Variants in PRKAR2A observed in about 807,000 individuals in gnomAD.
The protein encoded by PRKAR2A is protein kinase cAMP-dependent type II regulatory subunit alpha, also known as cAMP-dependent protein kinase type II-alpha regulatory subunit.
Under a neutral mutation model 51.9 loss-of-function variants are expected in PRKAR2A, and 29 were observed. The ratio of observed to expected loss-of-function variants is 0.56; its 90% confidence interval spans 0.42 to 0.76. PRKAR2A has a LOEUF of 0.76. PRKAR2A is among the 30% of genes least tolerant of loss of function. The pLI, the probability that PRKAR2A is intolerant of heterozygous loss-of-function variation, is 0.00. For missense variants in PRKAR2A, 445 were observed against 512.1 expected (o/e 0.87, Z 1.26); for synonymous variants, 178 against 186.2 (o/e 0.96, Z 0.36).
At chr3:48,806,254 T>C (rs567565613) in intron 2 of PRKAR2A, among the ~76,000 whole-genome samples, 16 of 152,328 alleles carry the variant, frequency 1.1e-4, no homozygotes, top group African/African-American at 3.8e-4. Context: ...TTCCTAGCCC[T>C]ATAATAGGCC....
intron 9 of PRKAR2A, among the ~76,000 whole-genome samples, chr3:48,753,098 A>G (rs536573378): frequency 6.6e-6 from 1 of 151,126 alleles, no homozygotes; most frequent in East Asian, 2.0e-4. Context: ...ACGCCTGGCT[A>G]ATTTTTTTGT....
In PRKAR2A at chr3:48,847,812, C is replaced by T; in HGVS notation, c.-216G>A. ...ACCGCCGCCGCTGTCACTGGGCAGC[C>T]GCCGCCGCCGCGGGGACCGACGGGC... On this transcript the variant is annotated 5_prime_UTR_variant, in exon 1 of 11. Transcript: ENST00000265563. This position sits in a 1 kb window ranked among gnomAD's most constrained non-coding sequence, Gnocchi z 4.4. 1 of 382,376 alleles carries T rather than the reference C, an allele frequency of 2.6e-6. No homozygotes were observed. The highest frequency in any genetic ancestry group is 4.4e-6 in the Non-Finnish European group (1 of 227,048). The allele number at this position is 382,376 out of a possible 1,614,324, so 23.7% of individuals were successfully genotyped here.
chr3:48,752,593 A>G (rs1317849604), intron 9 of PRKAR2A, among the ~76,000 whole-genome samples: 1 of 152,202 alleles, frequency 6.6e-6, no homozygotes, highest in Non-Finnish European at 1.5e-5. Flanking sequence ...TCTTGTCTAA[A>G]TAAGGACAAT....
chr3:48,773,069 GGTTT>G lies in PRKAR2A; in HGVS notation c.578_581del (p.Gln193ProfsTer16). ...GGTTGTCATATTGACCAACAGAGCG[GGTTT>G]GATTATCTTTTGTTACTAAAATGTC... is the stretch of plus-strand genomic sequence containing the variant. On this transcript the variant is annotated frameshift_variant, in exon 6 of 11. Coordinates refer to ENST00000265563, the MANE Select transcript of PRKAR2A (RefSeq NM_004157.4). LOFTEE classifies it high-confidence loss of function. 1 of 1,611,048 alleles carries G rather than the reference GGTTT, an allele frequency of 6.2e-7. No homozygotes were observed. Among genetic ancestry groups the G allele is most frequent in the Non-Finnish European group, 8.5e-7 (1 of 1,178,296 alleles).
intron 9 of PRKAR2A, among the ~76,000 whole-genome samples, 159 bp downstream of exon 9, chr3:48,756,220 T>C (rs2081761639): frequency 6.6e-6 from 1 of 152,232 alleles, no homozygotes; most frequent in Admixed American, 6.5e-5. Context: ...CTAATCTAAA[T>C]ATGCTAAATC....
chr3:48,772,925 C>T (rs2082049373), intron 6 of PRKAR2A, 30 bp downstream of exon 6: 2 of 1,602,150 alleles, frequency 1.2e-6, no homozygotes, highest in Non-Finnish European at 8.5e-7. Context: ...AATACTGTGC[C>T]TTGCAAGGGG....
intron 1 of PRKAR2A, among the ~76,000 whole-genome samples, chr3:48,811,223 C>T (rs1195333773): frequency 1.3e-5 from 2 of 152,026 alleles, no homozygotes; most frequent in African/African-American, 2.4e-5. Flanking sequence ...TGTAGTGGCT[C>T]ATGTCTGTAA....
intron 1 of PRKAR2A, among the ~76,000 whole-genome samples, chr3:48,841,273 C>T (rs546515628): frequency 2.6e-5 from 4 of 151,434 alleles, no homozygotes; most frequent in African/African-American, 9.7e-5. Context: ...AGGCCGGGAA[C>T]GGTGGCTCAC....
rs1228489897 is a variant in PRKAR2A at position 48,749,899 on chromosome 3, T to TC, written c.*1685_*1686insG. On this transcript the variant is annotated 3_prime_UTR_variant, in exon 11 of 11. Coordinates refer to ENST00000265563, the MANE Select transcript of PRKAR2A (RefSeq NM_004157.4). ...CTAAAGAATAATTTTTTTTCTTTCT[T>TC]TTTTTTTTTTTAAGAGACAGGGTCT... is the stretch of plus-strand genomic sequence containing the variant. 2.1e-5 allele frequency: 3 copies of TC among 145,998 alleles called. No individual in the cohort carries two copies. The highest frequency in any genetic ancestry group is 5.0e-5 in the African/African-American group (2 of 40,176). The allele number at this position is 145,998 out of a possible 1,614,324, so 9.0% of individuals were successfully genotyped here.
chr3:48,804,745 T>G (rs577094737), intron 2 of PRKAR2A, among the ~76,000 whole-genome samples: 3 of 151,902 alleles, frequency 2.0e-5, no homozygotes, highest in Non-Finnish European at 4.4e-5. Context: ...TGAAGTAGGG[T>G]GGACAACTGG....
chr3:48,832,411 T>A (rs1458042967), intron 1 of PRKAR2A, among the ~76,000 whole-genome samples: 2 of 152,052 alleles, frequency 1.3e-5, no homozygotes, highest in African/African-American at 4.8e-5. Flanking sequence ...TTCATTTAAA[T>A]GGCACCTCAA....
Position 48,828,086 on chromosome 3 carries a change from G to A in PRKAR2A, c.262+19249C>T, listed in dbSNP as rs536803913. ...TCACCACGTTGGTCAGGCTGGTCTC[G>A]AACTCCTGAGCTCAGGCGATCCACC... On this transcript the variant is annotated intron_variant, in intron 1 of 10. Transcript: ENST00000265563. Among the ~76,000 whole-genome samples, 467 of 152,186 alleles carry A rather than the reference G, an allele frequency of 3.1e-3. 7 individuals carry two copies. In the Middle Eastern group the frequency reaches 0.037, roughly 12 times the overall value.
Position 48,847,617 on chromosome 3 carries a change from T to G in PRKAR2A, c.-21A>C, listed in dbSNP as rs553460391. Reference sequence around the variant, plus strand: ...CTCATGCCGGCGGCGGCCGAAGGGATAGACGGGTTGGGCCGCCGGCGGCCA... The same window carrying G: ...CTCATGCCGGCGGCGGCCGAAGGGAGAGACGGGTTGGGCCGCCGGCGGCCA... On this transcript the variant is annotated 5_prime_UTR_variant, in exon 1 of 11. Transcript: ENST00000265563. This position sits in a 1 kb window ranked among gnomAD's most constrained non-coding sequence, Gnocchi z 4.4. 5 of 1,438,414 alleles carry G rather than the reference T, an allele frequency of 3.5e-6. No homozygotes were observed. In the African/African-American group the frequency reaches 6.0e-5, roughly 17 times the overall value. 89.1% of individuals were successfully genotyped at this position (1,438,414 alleles called of 1,614,324 possible).
At chr3:48,753,877 C>A (rs1444329672) in intron 9 of PRKAR2A, among the ~76,000 whole-genome samples, 1 of 149,960 alleles carries the variant, frequency 6.7e-6, no homozygotes, top group Non-Finnish European at 1.5e-5. Context: ...TAAAATGACA[C>A]AGACATTTCA....
rs942576687 is a variant in PRKAR2A, at chr3:48,847,865, T to A, written c.-269A>T. ...GCGAGCTGGACGGGCGGGGCAGGCG[T>A]CCTGGTTGTGACGCACGCCACCGCG... On this transcript the variant is annotated 5_prime_UTR_variant, in exon 1 of 11. Transcript: ENST00000265563. This position sits in a 1 kb window ranked among gnomAD's most constrained non-coding sequence, Gnocchi z 4.4. 1.9e-5 allele frequency: 6 copies of A among 321,406 alleles called. No homozygotes were observed. Among genetic ancestry groups the A allele is most frequent in the African/African-American group, 8.6e-5 (4 of 46,376 alleles). 19.9% of individuals were successfully genotyped at this position (321,406 alleles called of 1,614,324 possible).
In PRKAR2A at chr3:48,847,460, G is replaced by T. The variant is rs1365311892; in HGVS notation, c.137C>A (p.Pro46Gln). The T allele has an allele frequency of 6.4e-7, 1 of 1,572,276 alleles. No individual in the cohort carries two copies. ...YFTRLREARA[P>Q]ASVLPAATPR... ...GGTGGCGGCGGGCAGGACTGAGGCT[G>T]GGGCGCGGGCCTCGCGCAGGCGGGT... Residue 46 changes from proline to glutamine, a missense_variant, in exon 1 of 11, where the codon CCA (proline) becomes CAA (glutamine). Coordinates refer to ENST00000265563, the MANE Select transcript of PRKAR2A (RefSeq NM_004157.4). The surrounding 1 kb of genome is among the most constrained non-coding windows in gnomAD (Gnocchi z 4.4).
rs142779416 is a variant in PRKAR2A at position 48,760,250 on chromosome 3, G to A, written c.874-3806C>T. Among the ~76,000 whole-genome samples, 3 of 151,992 alleles carry A rather than the reference G, an allele frequency of 2.0e-5. No homozygotes were observed. In the East Asian group the frequency reaches 5.8e-4, roughly 30 times the overall value. ...TGCATGCCTGTAGTTCCAGCTACTC[G>A]GGAGGCTGAGGCAGAAGAATCACCT... On this transcript the variant is annotated intron_variant, in intron 8 of 10. Transcript: ENST00000265563.
chr3:48,844,808 A>C (rs960721034), intron 1 of PRKAR2A, among the ~76,000 whole-genome samples: 1 of 140,328 alleles, frequency 7.1e-6, no homozygotes, highest in African/African-American at 2.6e-5. Flanking sequence ...GGACACAGGA[A>C]GGGGAACATC....
At chr3:48,763,940 G>T (rs2081900745) in intron 8 of PRKAR2A, among the ~76,000 whole-genome samples, 1 of 152,134 alleles carries the variant, frequency 6.6e-6, no homozygotes, top group South Asian at 2.1e-4. Flanking sequence ...TCATATTTTT[G>T]TTAGTCCTTT....
Sources: gnomAD v4.1 joint callset for allele counts (sites outside exome capture counted in the v4.1 genomes callset) on GRCh38, gnomAD v4.1.1 for gene constraint, Gnocchi (gnomAD v3.1) non-coding constraint, MANE v1.5 for transcripts, NCBI Gene and HGNC (gene_info 2026-07-23, HGNC 2026-07-21) for gene names.